Variants in UNC5C observed in about 807,000 individuals in gnomAD.
The protein encoded by UNC5C is unc-5 netrin receptor C.
UNC5C carries 47 observed loss-of-function variants against 99.8 expected under a neutral mutation model. That is an observed-to-expected ratio of 0.47 (90% confidence interval 0.37 to 0.60). The LOEUF is 0.60. UNC5C is among the 20% of genes least tolerant of loss of function. UNC5C has a pLI of 0.00. For synonymous variants in UNC5C, 487 were observed against 452.2 expected (o/e 1.08, Z -0.98); for missense variants, 1,062 against 1,165.9 (o/e 0.91, Z 1.30).
Position 95,229,140 on chromosome 4 carries a change from T to A in UNC5C, c.1109-8964A>T, listed in dbSNP as rs189788535. Among the ~76,000 whole-genome samples, 291 of 152,314 alleles carry A rather than the reference T, an allele frequency of 1.9e-3. 3 individuals are homozygous for A. The highest frequency in any genetic ancestry group is 0.014 in the Middle Eastern group (4 of 294). ...CATCAGAAGAAAATTCCATTTTTTTTAATTATACTTCAAGTTCTGAGATAC... is the reference window on the plus strand; with the variant it reads ...CATCAGAAGAAAATTCCATTTTTTTAAATTATACTTCAAGTTCTGAGATAC... On this transcript the variant is annotated intron_variant, in intron 7 of 15. Coordinates refer to ENST00000453304, the MANE Select transcript of UNC5C (RefSeq NM_003728.4).
chr4:95,266,984 C>T (rs1450184456), intron 4 of UNC5C, among the ~76,000 whole-genome samples: 1 of 152,158 alleles, frequency 6.6e-6, no homozygotes. Context: ...AATGAAGCTA[C>T]CAAAGACAGA....
intron 14 of UNC5C, among the ~76,000 whole-genome samples, chr4:95,172,548 G>C (rs1011865307): frequency 6.6e-6 from 1 of 151,912 alleles, no homozygotes; most frequent in Non-Finnish European, 1.5e-5. Flanking sequence ...TCAGATAGTT[G>C]TAGATATGCG....
chr4:95,352,588 C>G (rs1260931433), intron 1 of UNC5C, among the ~76,000 whole-genome samples: 1 of 152,160 alleles, frequency 6.6e-6, no homozygotes, highest in African/African-American at 2.4e-5. Context: ...TTGTTCAACA[C>G]TTGACATCAG....
intron 1 of UNC5C, among the ~76,000 whole-genome samples, chr4:95,411,483 G>C (rs965956932): frequency 1.3e-5 from 2 of 152,166 alleles, no homozygotes; most frequent in Non-Finnish European, 2.9e-5. Flanking sequence ...TCTTTTAGAA[G>C]TTCCTGCAGG....
Position 95,369,060 on chromosome 4 carries a change from T to C in UNC5C, c.125-33429A>G, listed in dbSNP as rs1355356247. On this transcript the variant is annotated intron_variant, in intron 1 of 15. Coordinates refer to ENST00000453304, the MANE Select transcript of UNC5C (RefSeq NM_003728.4). Reference sequence around the variant, plus strand: ...TGTTTGTAGAGATGGAGTCTCACTATGTTGATCAAACTGGTCCTTAACTCC... The same window carrying C: ...TGTTTGTAGAGATGGAGTCTCACTACGTTGATCAAACTGGTCCTTAACTCC... 2.0e-5 allele frequency among the ~76,000 whole-genome samples: 3 copies of C among 151,940 alleles called. No individual in the cohort carries two copies. The South Asian group carries it at 6.2e-4, about 31-fold the overall frequency.
At chr4:95,481,184 CA>C (rs1271085702) in intron 1 of UNC5C, among the ~76,000 whole-genome samples, 2 of 151,844 alleles carry the variant, frequency 1.3e-5, no homozygotes, top group East Asian at 3.9e-4. Flanking sequence ...AATCAATGTA[CA>C]AAAATCACAA....
intron 1 of UNC5C, among the ~76,000 whole-genome samples, chr4:95,377,888 T>A (rs1486608829): frequency 6.6e-6 from 1 of 152,216 alleles, no homozygotes; most frequent in African/African-American, 2.4e-5. Context: ...AGTTTCCATA[T>A]GTTCGCGGTA....
chr4:95,400,786 G>A (rs77564999), intron 1 of UNC5C, among the ~76,000 whole-genome samples: 9,621 of 152,248 alleles, frequency 0.063, 536 homozygotes, highest in East Asian at 0.18. Context: ...CTCGAATGAG[G>A]ATGTGCCCCT....
In UNC5C at chr4:95,418,324, CAA is replaced by C. The variant is rs574350078; in HGVS notation, c.125-82695_125-82694del. Among the ~76,000 whole-genome samples, 8 of 152,286 alleles carry C rather than the reference CAA, an allele frequency of 5.3e-5. No individual in the cohort carries two copies. The South Asian group carries it at 1.7e-3, about 32-fold the overall frequency. On this transcript the variant is annotated intron_variant, in intron 1 of 15. Transcript: ENST00000453304. ...TTCAATGTTCAATTCTAAAATTATA[CAA>C]GTTTCATTAGAAACGCGATGACAAG...
chr4:95,384,054 T>G (rs1668337499), intron 1 of UNC5C, among the ~76,000 whole-genome samples: 1 of 152,270 alleles, frequency 6.6e-6, no homozygotes, highest in Non-Finnish European at 1.5e-5. Flanking sequence ...TAAAGAGCCA[T>G]TAATTAGTAG....
At position 95,394,257 on chromosome 4, in the gene UNC5C, CA is replaced by C. The variant is rs11441712; in HGVS notation, c.125-58627del. On this transcript the variant is annotated intron_variant, in intron 1 of 15. Transcript: ENST00000453304. ...CTTCTGAAACTTTAATAGTAATTTA[CA>C]AAAAAAAAAAACCCTCCAATCCCAC... is the stretch of plus-strand genomic sequence containing the variant. 2.4e-3 allele frequency among the ~76,000 whole-genome samples: 316 copies of C among 132,518 alleles called. 1 individual carries two copies. The highest frequency in any genetic ancestry group is 0.01 in the East Asian group (47 of 4,640). The allele number at this position is 132,518 out of a possible 152,430, so 86.9% of individuals were successfully genotyped here. A position where few individuals can be genotyped will look rare whatever the true frequency, so the allele number is the denominator to read the frequency against.
chr4:95,328,464 A>G (rs1344751535), intron 2 of UNC5C, among the ~76,000 whole-genome samples: 3 of 131,614 alleles, frequency 2.3e-5, no homozygotes, highest in East Asian at 2.4e-4. Context: ...CCAGTCTATC[A>G]TTGTTGGACA....
At chr4:95,305,364 G>T (rs1245635164) in intron 2 of UNC5C, among the ~76,000 whole-genome samples, 3 of 152,140 alleles carry the variant, frequency 2.0e-5, no homozygotes, top group Admixed American at 2.0e-4. Context: ...TCAGACCAGA[G>T]CCTAGTGGTT....
chr4:95,210,973 A>G (rs1016203608), intron 10 of UNC5C, among the ~76,000 whole-genome samples: 2 of 152,234 alleles, frequency 1.3e-5, no homozygotes, highest in African/African-American at 4.8e-5. Context: ...ATATTAACAC[A>G]CTTGCCTAAG....
intron 4 of UNC5C, among the ~76,000 whole-genome samples, chr4:95,260,743 CAG>C (rs1372218133): frequency 1.3e-5 from 2 of 152,188 alleles, no homozygotes; most frequent in South Asian, 4.1e-4. Flanking sequence ...CTTTAGGGAG[CAG>C]AGAGAGTTCA....
At chr4:95,238,103 A>C (rs2149376527) in intron 7 of UNC5C, among the ~76,000 whole-genome samples, 1 of 152,262 alleles carries the variant, frequency 6.6e-6, no homozygotes, top group South Asian at 2.1e-4. Context: ...TCCATTTCTT[A>C]ACTTTCAATC....
chr4:95,526,719 G>C (rs1578209862), intron 1 of UNC5C, among the ~76,000 whole-genome samples: 1 of 151,594 alleles, frequency 6.6e-6, no homozygotes. Flanking sequence ...GTTGAATATG[G>C]GGCCTAAATG....
At chr4:95,307,402 ATGTAAGAAACGCAACAC>A (rs1206190809) in intron 2 of UNC5C, among the ~76,000 whole-genome samples, 1 of 152,170 alleles carries the variant, frequency 6.6e-6, no homozygotes, top group African/African-American at 2.4e-5. Context: ...ATTAAGATGA[ATGTAAGAAACGCAACAC>A]TTACAGAGAC....
At chr4:95,171,335 A>G (rs1736095251) in intron 14 of UNC5C, among the ~76,000 whole-genome samples, 2 of 150,952 alleles carry the variant, frequency 1.3e-5, no homozygotes, top group Non-Finnish European at 2.9e-5. Context: ...TGCACCCACT[A>G]ACTCATCATC....
Sources: gnomAD v4.1 joint callset for allele counts (sites outside exome capture counted in the v4.1 genomes callset) on GRCh38, gnomAD v4.1.1 for gene constraint, MANE v1.5 for transcripts, NCBI Gene and HGNC (gene_info 2026-07-23, HGNC 2026-07-21) for gene names.